ALDH1L2: variants seen among roughly 807,000 people sequenced by gnomAD.
The protein encoded by ALDH1L2 is aldehyde dehydrogenase 1 family member L2, also known as mitochondrial 10-formyltetrahydrofolate dehydrogenase.
ALDH1L2 carries 91 observed loss-of-function variants against 111.0 expected under a neutral mutation model. The ratio of observed to expected loss-of-function variants is 0.82; its 90% confidence interval spans 0.69 to 0.98. The LOEUF (loss-of-function observed/expected upper bound fraction) is 0.98, where lower values mean the gene tolerates loss of function less well. Among genes scored for constraint, ALDH1L2 ranks in the 50% least tolerant of loss-of-function variants. The pLI is 0.00. For synonymous variants in ALDH1L2, 374 were observed against 392.6 expected, an observed-to-expected ratio of 0.95 and a Z score of 0.56; for missense variants, 995 against 1,126.8, an observed-to-expected ratio of 0.88 and a Z score of 1.67.
intron 11 of ALDH1L2, 109 bp from the exon 12 acceptor site, chr12:105,052,326 G>A (rs1876339070): frequency 8.6e-7 from 1 of 1,165,612 alleles, no homozygotes; most frequent in Non-Finnish European, 1.1e-6. Flanking sequence ...TTTAAAAAAA[G>A]TTATGATAAG....
chr12:105,062,517 A>G (rs1332325725), intron 7 of ALDH1L2, among the ~76,000 whole-genome samples: 1 of 152,190 alleles, frequency 6.6e-6, no homozygotes, highest in Non-Finnish European at 1.5e-5. Context: ...GGGGCATCTG[A>G]GGAGGGCCAC....
At chr12:105,035,106 A>T (rs1415009221) in intron 18 of ALDH1L2, among the ~76,000 whole-genome samples, 1 of 152,120 alleles carries the variant, frequency 6.6e-6, no homozygotes, top group Non-Finnish European at 1.5e-5. Context: ...GCACCACCTT[A>T]CCCAGCTAAT....
At chr12:105,072,073 G>A (rs187487670) in intron 2 of ALDH1L2, among the ~76,000 whole-genome samples, 141 of 150,596 alleles carry the variant, frequency 9.4e-4, no homozygotes, top group African/African-American at 3.3e-3. Flanking sequence ...GCAACGAAGT[G>A]AGACCCTTTC....
intron 1 of ALDH1L2, among the ~76,000 whole-genome samples, chr12:105,082,944 T>C (rs1225290906): frequency 6.6e-6 from 1 of 151,686 alleles, no homozygotes; most frequent in East Asian, 1.9e-4. Flanking sequence ...CTGAGGAAAC[T>C]GTCTTCTTCC....
rs1874220887 is a variant in ALDH1L2 at position 105,022,751 on chromosome 12, G to A, written c.*1673C>T. ...AAATTCGCTCTGTTTATCATGCTGGGATCAAACCTCCTATTCTTCCTTTTG... is the reference window on the plus strand; with the variant it reads ...AAATTCGCTCTGTTTATCATGCTGGAATCAAACCTCCTATTCTTCCTTTTG... On this transcript the variant is annotated 3_prime_UTR_variant, in exon 23 of 23. Coordinates refer to ENST00000258494, the MANE Select transcript of ALDH1L2 (RefSeq NM_001034173.4). 2.0e-5 allele frequency: 3 copies of A among 152,044 alleles called. No individual in the cohort carries two copies. Among genetic ancestry groups the A allele is most frequent in the Admixed American group, 6.5e-5 (1 of 15,276 alleles). 9.4% of individuals were successfully genotyped at this position (152,044 alleles called of 1,614,324 possible). A position where few individuals can be genotyped will look rare whatever the true frequency, so the allele number is the denominator to read the frequency against.
At position 105,046,863 on chromosome 12, in the gene ALDH1L2, C is replaced by T. The variant is rs776155272; in HGVS notation, c.1757+36G>A. 1.3e-5 allele frequency: 21 copies of T among 1,613,284 alleles called. No homozygotes were observed. The South Asian group carries it at 2.3e-4, about 18-fold the overall frequency. On this transcript the variant is annotated intron_variant, in intron 14 of 22. Coordinates refer to ENST00000258494, the MANE Select transcript of ALDH1L2 (RefSeq NM_001034173.4). The stretch of plus-strand genomic sequence containing the variant: ...TGCTTAGTTGTTTCAAATAACACAA[C>T]TCATGATTCACTCAGAGGCACTCTC...
intron 20 of ALDH1L2, 26 bp from the exon 21 acceptor site, chr12:105,030,455 T>G: frequency 1.3e-6 from 2 of 1,587,654 alleles, no homozygotes; most frequent in Non-Finnish European, 1.7e-6. Context: ...AAAGAAAAAA[T>G]GTCAACTGTA....
At chr12:105,039,893 G>T in intron 16 of ALDH1L2, 87 bp from the exon 17 acceptor site, 1 of 1,138,100 alleles carries the variant, frequency 8.8e-7, no homozygotes, top group Non-Finnish European at 1.3e-6. Context: ...CACTTTGGGA[G>T]GCTGAGGCAA....
chr12:105,047,113 C>A, intron 13 of ALDH1L2, 144 bp from the exon 14 acceptor site: 2 of 828,634 alleles, frequency 2.4e-6, no homozygotes, highest in Non-Finnish European at 3.8e-6. Context: ...ATATTCATGC[C>A]AAAGAAGGAA....
intron 19 of ALDH1L2, 51 bp from the exon 20 acceptor site, chr12:105,031,985 A>C (rs1271221760): frequency 6.3e-7 from 1 of 1,581,720 alleles, no homozygotes; most frequent in Admixed American, 1.7e-5. Context: ...ATAATAATGG[A>C]GTTTCTACCA....
chr12:105,029,253 C>T (rs559862093), intron 21 of ALDH1L2, among the ~76,000 whole-genome samples: 1 of 152,272 alleles, frequency 6.6e-6, no homozygotes, highest in Admixed American at 6.5e-5. Context: ...ATCTCAAACT[C>T]CTGGCCTCAA....
At chr12:105,049,236 A>G (rs948279547) in intron 13 of ALDH1L2, among the ~76,000 whole-genome samples, 2 of 152,186 alleles carry the variant, frequency 1.3e-5, no homozygotes, top group African/African-American at 2.4e-5. Flanking sequence ...ATATTATAGT[A>G]AAATGCAAAG....
Position 105,034,297 on chromosome 12 carries a change from C to G in ALDH1L2, c.2244+3G>C, listed in dbSNP as rs369790504. ...ACTCAGAGTAAATGTGAAGGTGCCT[C>G]ACCACTCTTGTCACAAATTCGTCGT... On this transcript the variant is annotated splice_donor_region_variant and intron_variant, in intron 19 of 22. Coordinates refer to ENST00000258494, the MANE Select transcript of ALDH1L2 (RefSeq NM_001034173.4). 1 of 1,613,660 alleles carries G rather than the reference C, an allele frequency of 6.2e-7. No individual in the cohort carries two copies. Among genetic ancestry groups the G allele is most frequent in the Non-Finnish European group, 8.5e-7 (1 of 1,179,790 alleles).
chr12:105,083,702 G>T (rs1180167020), intron 1 of ALDH1L2, among the ~76,000 whole-genome samples: 2 of 151,918 alleles, frequency 1.3e-5, no homozygotes, highest in African/African-American at 4.8e-5. Flanking sequence ...AGTGCAACGT[G>T]TCCTCTCTCG....
chr12:105,038,255 C>CTG (rs1250299678), intron 17 of ALDH1L2, 53 bp from the exon 18 acceptor site: 12 of 760,950 alleles, frequency 1.6e-5, no homozygotes, highest in East Asian at 2.9e-5. Context: ...CTCTCTCTCT[C>CTG]TCTCTCACAC....
chr12:105,041,869 ATTAC>A (rs1007173272), intron 15 of ALDH1L2, among the ~76,000 whole-genome samples: 3 of 129,814 alleles, frequency 2.3e-5, no homozygotes, highest in African/African-American at 8.2e-5. Context: ...ACGTGCCCCT[ATTAC>A]TTTGAGCATT....
intron 1 of ALDH1L2, among the ~76,000 whole-genome samples, chr12:105,076,597 C>A (rs183326098): frequency 6.6e-6 from 1 of 152,200 alleles, no homozygotes; most frequent in Admixed American, 6.5e-5. Flanking sequence ...CTTTATTTTC[C>A]ATCATCAATT....
intron 18 of ALDH1L2, 89 bp downstream of exon 18, chr12:105,038,014 G>C: frequency 9.6e-7 from 1 of 1,038,968 alleles, no homozygotes; most frequent in Middle Eastern, 2.1e-4. Context: ...TGATCCACCC[G>C]TCTTGGCCTC....
chr12:105,040,125 CAAAAAAA>C (rs11284250), intron 16 of ALDH1L2, among the ~76,000 whole-genome samples: 5 of 59,098 alleles, frequency 8.5e-5, no homozygotes, highest in South Asian at 6.9e-4. Context: ...GACTCCGTCT[CAAAAAAA>C]AAAAAAAAAA....
Sources: gnomAD v4.1 joint callset for allele counts (sites outside exome capture counted in the v4.1 genomes callset) on GRCh38, gnomAD v4.1.1 for gene constraint, MANE v1.5 for transcripts, NCBI Gene and HGNC (gene_info 2026-07-23, HGNC 2026-07-21) for gene names.